The following DMD variants were observed in gnomAD, a reference collection of about 807,000 sequenced individuals.
The protein encoded by DMD is dystrophin.
DMD carries 63 observed loss-of-function variants against 330.1 expected under a neutral mutation model. That is an observed-to-expected ratio of 0.19 (90% CI 0.16 to 0.24). The LOEUF is 0.24. Among genes scored for constraint, DMD ranks in the 10% least tolerant of loss-of-function variants. The pLI is 1.00. For missense variants in DMD, 3,344 were observed against 2,684.1 expected (o/e 1.25, Z -5.43); for synonymous variants, 1,223 against 959.8 (o/e 1.27, Z -5.07).
At chrX:32,283,120 T>G (rs2097426525) in intron 43 of DMD, among the ~76,000 whole-genome samples, 1 of 111,539 alleles carries the variant, frequency 9.0e-6, no homozygotes, top group Admixed American at 9.6e-5. Context: ...ACCCTTCATC[T>G]TAGGTCCAGA....
At chrX:31,850,515 G>C (rs967101539) in intron 48 of DMD, among the ~76,000 whole-genome samples, 4 of 112,062 alleles carry the variant, frequency 3.6e-5, no homozygotes, top group African/African-American at 6.5e-5. Flanking sequence ...ACAGACAGAA[G>C]GGACTGTGTG....
intron 55 of DMD, among the ~76,000 whole-genome samples, chrX:31,522,363 C>CTCTCTCTCTA: frequency 1.1e-4 from 4 of 35,964 alleles, no homozygotes; most frequent in African/African-American, 5.7e-4. Flanking sequence ...CTCTCTCTCT[C>CTCTCTCTCTA]TATATATATA....
At chrX:31,849,474 G>A (rs928728451) in intron 48 of DMD, among the ~76,000 whole-genome samples, 3 of 110,809 alleles carry the variant, frequency 2.7e-5, no homozygotes, top group Non-Finnish European at 5.7e-5. Context: ...TCATTATAAG[G>A]GGATGGACGG....
intron 44 of DMD, among the ~76,000 whole-genome samples, chrX:32,201,835 A>G (rs973457100): frequency 6.3e-5 from 7 of 111,042 alleles, no homozygotes; most frequent in East Asian, 2.8e-4. Flanking sequence ...CTCCAGTGCA[A>G]TGATACAATT....
At chrX:33,312,704 T>C (rs1455549412) in intron 1 of DMD, among the ~76,000 whole-genome samples, 1 of 111,949 alleles carries the variant, frequency 8.9e-6, no homozygotes, top group Non-Finnish European at 1.9e-5. Flanking sequence ...CATAACATTT[T>C]TGTGAACCAG....
intron 44 of DMD, among the ~76,000 whole-genome samples, chrX:32,130,576 A>T (rs2096687158): frequency 1.2e-5 from 1 of 83,464 alleles, no homozygotes; most frequent in Admixed American, 1.2e-4. Flanking sequence ...AAGACTGCAC[A>T]TCATCTGATG....
At chrX:31,384,314 CTACTA>C (rs762331641) in intron 60 of DMD, among the ~76,000 whole-genome samples, 1 of 44,213 alleles carries the variant, frequency 2.3e-5, no homozygotes, top group Non-Finnish European at 4.0e-5. Context: ...TGCTTCACTA[CTACTA>C]CTACTACTAC....
chrX:32,779,165 G>C (rs889529855), intron 7 of DMD, among the ~76,000 whole-genome samples: 1 of 110,465 alleles, frequency 9.1e-6, no homozygotes, highest in South Asian at 3.9e-4. Flanking sequence ...TCATTCCACT[G>C]ATAGGTGGCA....
Position 31,478,100 on chromosome X carries a change from C to A in DMD, c.8937+6G>T, listed in dbSNP as rs767509893. On this transcript the variant is annotated splice_donor_region_variant and intron_variant, in intron 59 of 78. Transcript: ENST00000357033. Reference sequence around the variant, plus strand: ...AAGGGCCCTGAAGCAAAGAAGTAGACGGTACCTTGACTTTCTCGAGGTGAT... The same window carrying A: ...AAGGGCCCTGAAGCAAAGAAGTAGAAGGTACCTTGACTTTCTCGAGGTGAT... The A allele has an allele frequency of 1.7e-6, 2 of 1,209,535 alleles. No homozygotes were observed. The highest frequency in any genetic ancestry group is 3.0e-5 in the East Asian group (1 of 33,822).
At chrX:31,243,381 T>C (rs941101717) in intron 63 of DMD, among the ~76,000 whole-genome samples, 2 of 111,930 alleles carry the variant, frequency 1.8e-5, no homozygotes, top group African/African-American at 6.5e-5. Context: ...GGATAAGGCT[T>C]ATTTAGCTGA....
chrX:31,620,118 A>G (rs892036330), intron 55 of DMD, among the ~76,000 whole-genome samples: 3 of 111,920 alleles, frequency 2.7e-5, no homozygotes, highest in African/African-American at 9.7e-5. Context: ...AACTAAATAT[A>G]GCAAGAAGAC....
chrX:32,833,615 G>C (rs1021069522), intron 4 of DMD, among the ~76,000 whole-genome samples: 13 of 104,354 alleles, frequency 1.2e-4, no homozygotes, highest in African/African-American at 4.5e-4. Context: ...TGGCAATATA[G>C]GATGTAACTT....
intron 64 of DMD, among the ~76,000 whole-genome samples, chrX:31,218,352 T>A (rs1417209752): frequency 9.1e-6 from 1 of 109,354 alleles, no homozygotes; most frequent in Non-Finnish European, 1.9e-5. Flanking sequence ...AGGAAAGCAG[T>A]AGCTCTGGGA....
chrX:32,690,972 G>A (rs551302598), intron 9 of DMD, among the ~76,000 whole-genome samples: 1 of 110,648 alleles, frequency 9.0e-6, no homozygotes, highest in South Asian at 3.7e-4. Context: ...AAAAAAAATA[G>A]AATTAAGACT....
At chrX:32,593,468 T>C (rs2055165537) in intron 13 of DMD, among the ~76,000 whole-genome samples, 1 of 111,966 alleles carries the variant, frequency 8.9e-6, no homozygotes, top group Non-Finnish European at 1.9e-5. Flanking sequence ...TTCCCATGCC[T>C]ACCTGCCTAT....
intron 1 of DMD, among the ~76,000 whole-genome samples, chrX:33,199,269 C>T (rs768035607): frequency 3.6e-5 from 4 of 110,533 alleles, no homozygotes; most frequent in East Asian, 2.9e-4. Flanking sequence ...AAATATATTG[C>T]GCTAGGATGA....
intron 7 of DMD, among the ~76,000 whole-genome samples, chrX:32,728,679 G>A (rs2067175521): frequency 8.9e-6 from 1 of 112,243 alleles, no homozygotes; most frequent in African/African-American, 3.2e-5. Context: ...AATCAGTAAG[G>A]CAGATATCTT....
rs146935870 is a variant in DMD at position 32,878,728 on chromosome X, G to A, written c.94-28908C>T. Among the ~76,000 whole-genome samples, 1,034 of 110,291 alleles carry A rather than the reference G, an allele frequency of 9.4e-3. 11 individuals carry two copies. Among genetic ancestry groups the A allele is most frequent in the African/African-American group, 0.033 (992 of 30,303 alleles). On this transcript the variant is annotated intron_variant, in intron 2 of 78. Transcript: ENST00000357033. ...AGGGCAGGATAAATCGTAATATTGG[G>A]GCCAGGTGCAATGGCTCATGCCTGT...
intron 60 of DMD, among the ~76,000 whole-genome samples, chrX:31,418,100 C>T (rs948706169): frequency 5.4e-5 from 6 of 110,173 alleles, no homozygotes; most frequent in African/African-American, 3.3e-5. Flanking sequence ...TGTTTTAGTC[C>T]GTTGGAATGC....
Sources: allele counts gnomAD v4.1 joint callset (sites outside exome capture counted in the v4.1 genomes callset), GRCh38; gene constraint gnomAD v4.1.1; transcripts MANE v1.5; gene names NCBI Gene and HGNC (gene_info 2026-07-23, HGNC 2026-07-21).